The following PPARGC1B variants were observed in gnomAD, a reference collection of about 807,000 sequenced individuals.
The protein encoded by PPARGC1B is peroxisome proliferator-activated receptor gamma coactivator 1-beta.
Under a neutral mutation model 101.6 loss-of-function variants are expected in PPARGC1B, and 34 were observed. That is an observed-to-expected ratio of 0.33 (90% CI 0.25 to 0.45). The LOEUF (loss-of-function observed/expected upper bound fraction) is 0.45, where lower values mean the gene tolerates loss of function less well. Among genes scored for constraint, PPARGC1B ranks in the 20% least tolerant of loss-of-function variants. The pLI, the probability that PPARGC1B is intolerant of heterozygous loss-of-function variation, is 1.00. For missense variants in PPARGC1B, 1,234 were observed against 1,317.6 expected (o/e 0.94, Z 0.98); for synonymous variants, 548 against 539.3 (o/e 1.02, Z -0.22).
intron 11 of PPARGC1B, 65 bp from the exon 12 acceptor site, chr5:149,847,393 C>T: frequency 1.6e-6 from 2 of 1,212,690 alleles, no homozygotes; most frequent in Admixed American, 1.7e-5. Context: ...ATTCTTCAAC[C>T]ATCCGGTCTT....
At position 149,845,788 on chromosome 5, in the gene PPARGC1B, C is replaced by T. The variant is rs755116794; in HGVS notation, c.2845C>T (p.Arg949Trp). The change falls in exon 11 of 12, where the codon CGG becomes TGG. Residue 949 changes from arginine (R) to tryptophan (W), a missense_variant. By Grantham distance (101) the Arg-to-Trp change is moderately radical. Around this residue, in one of 3 missense-constraint regions of PPARGC1B, gnomAD observed 497 missense variants for 529.5 expected, o/e 0.94. Coordinates refer to ENST00000309241, the MANE Select transcript of PPARGC1B (RefSeq NM_133263.4). ...RGEKYGFITYRCSEHAALSLT... is the reference protein window; with the variant it reads ...RGEKYGFITYWCSEHAALSLT... ...CGAGAAGTACGGCTTCATCACCTAC[C>T]GGTGTTCTGAGCACGCGGCCCTCTC... 18 of 1,613,468 alleles carry T rather than the reference C, an allele frequency of 1.1e-5. No homozygotes were observed. Among genetic ancestry groups the T allele is most frequent in the South Asian group, 6.6e-5 (6 of 91,052 alleles).
intron 1 of PPARGC1B, among the ~76,000 whole-genome samples, chr5:149,765,812 G>A (rs1755887886): frequency 7.1e-6 from 1 of 140,254 alleles, no homozygotes; most frequent in South Asian, 2.2e-4. Flanking sequence ...AGTGAGCTGA[G>A]ATCGCGCCAT....
intron 3 of PPARGC1B, among the ~76,000 whole-genome samples, chr5:149,830,053 A>C (rs868093587): frequency 9.3e-6 from 1 of 107,546 alleles, no homozygotes; most frequent in East Asian, 2.2e-4. Flanking sequence ...AAAAAAAAAA[A>C]AGAAAAAAAA....
intron 1 of PPARGC1B, among the ~76,000 whole-genome samples, chr5:149,731,465 C>A (rs553657742): frequency 1.3e-5 from 2 of 152,284 alleles, no homozygotes; most frequent in South Asian, 4.1e-4. Flanking sequence ...GGCGGAACCT[C>A]GGAGGAGCCC....
At chr5:149,731,055 C>T (rs1442890248) in intron 1 of PPARGC1B, among the ~76,000 whole-genome samples, 1 of 152,220 alleles carries the variant, frequency 6.6e-6, no homozygotes, top group Admixed American at 6.5e-5. Context: ...GGGGGAAAAG[C>T]CAGGCTGGAT....
At chr5:149,742,154 C>G (rs1754932684) in intron 1 of PPARGC1B, among the ~76,000 whole-genome samples, 1 of 152,208 alleles carries the variant, frequency 6.6e-6, no homozygotes, top group Admixed American at 6.5e-5. Context: ...AGTCCCACTG[C>G]TATCCCCATT....
intron 10 of PPARGC1B, among the ~76,000 whole-genome samples, chr5:149,843,029 G>A (rs906720013): frequency 1.3e-5 from 2 of 152,216 alleles, no homozygotes; most frequent in African/African-American, 2.4e-5. Context: ...TTTGCTGGGT[G>A]TGGTGGTGCA....
In PPARGC1B at chr5:149,852,923, C is replaced by G. The variant is rs1411385753; in HGVS notation, c.*5365C>G. On this transcript the variant is annotated 3_prime_UTR_variant, in exon 12 of 12. Transcript: ENST00000309241. ...TCAGATACTCTGTTTCATCAGTATG[C>G]TTTGCACATCCGGAAGGAGTACAAA... 6.6e-6 allele frequency: 1 copy of G among 152,150 alleles called. No individual in the cohort carries two copies. The allele number at this position is 152,150 out of a possible 1,614,324, so 9.4% of individuals were successfully genotyped here. A position where few individuals can be genotyped will look rare whatever the true frequency, so the allele number is the denominator to read the frequency against.
At position 149,833,498 on chromosome 5, in the gene PPARGC1B, C is replaced by G. The variant is rs145538606; in HGVS notation, c.1425C>G (p.Pro475=). The G allele has an allele frequency of 4.5e-6, 7 of 1,564,818 alleles. No homozygotes were observed. Among genetic ancestry groups the G allele is most frequent in the Non-Finnish European group, 6.1e-6 (7 of 1,154,572 alleles). The change falls in exon 5 of 12, where the codon CCC becomes CCG. Residue 475 remains proline, a synonymous_variant. Coordinates refer to ENST00000309241, the MANE Select transcript of PPARGC1B (RefSeq NM_133263.4). This position sits in a 1 kb window ranked among gnomAD's most constrained non-coding sequence, Gnocchi z 4.1. ...LGRKLESSVC[P]VRRSRRLNPE... The stretch of plus-strand genomic sequence containing the variant: ...GGAAGCTGGAGAGCTCTGTGTGCCC[C>G]GTGCGGCGTTCTCGGAGACTGAACC...
chr5:149,831,751 C>CT (rs1758791689), intron 4 of PPARGC1B, among the ~76,000 whole-genome samples: 1 of 152,224 alleles, frequency 6.6e-6, no homozygotes. Context: ...ATGAGTCACA[C>CT]TTGGGGGGAA....
chr5:149,821,887 A>G (rs749522519), intron 2 of PPARGC1B, among the ~76,000 whole-genome samples: 9 of 152,140 alleles, frequency 5.9e-5, no homozygotes, highest in Non-Finnish European at 1.2e-4. Context: ...ACTCCTAATA[A>G]TCGATTTTAC....
At position 149,826,707 on chromosome 5, in the gene PPARGC1B, T is replaced by C. The variant is rs1039704977; in HGVS notation, c.287T>C (p.Leu96Pro). 6.2e-7 allele frequency: 1 copy of C among 1,613,430 alleles called. No homozygotes were observed. Among genetic ancestry groups the C allele is most frequent in the Non-Finnish European group, 8.5e-7 (1 of 1,179,822 alleles). ...DSENEALLAE[L>P]TKTLDDIPED... ...GAGAATGAGGCCCTCCTGGCAGAGCTCACCAAGACCCTGGATGACATCCCT... is the reference window on the plus strand; with the variant it reads ...GAGAATGAGGCCCTCCTGGCAGAGCCCACCAAGACCCTGGATGACATCCCT... The change falls in exon 3 of 12, where the codon CTC (leucine) becomes CCC (proline). Residue 96 changes from leucine (L) to proline (P), a missense_variant. Physicochemically the swap from Leu to Pro is moderately conservative, Grantham distance 98. Transcript: ENST00000309241.
At position 149,836,828 on chromosome 5, in the gene PPARGC1B, C is replaced by A. The variant is rs965848169; in HGVS notation, c.2373C>A (p.Val791=). The change falls in exon 8 of 12, where the codon GTC becomes GTA. Residue 791 remains valine, a synonymous_variant. Coordinates refer to ENST00000309241, the MANE Select transcript of PPARGC1B (RefSeq NM_133263.4). The part of the protein sequence containing the change: ...ASCKSPEYDT[V]FEDSSSSSGE... The stretch of plus-strand genomic sequence containing the variant: ...GCAAGAGCCCTGAGTATGACACTGT[C>A]TTTGAAGACAGCAGCAGCAGCAGCG... 6.2e-7 allele frequency: 1 copy of A among 1,613,356 alleles called. No homozygotes were observed. Among genetic ancestry groups the A allele is most frequent in the African/African-American group, 1.3e-5 (1 of 74,942 alleles).
At chr5:149,835,228 C>A in intron 6 of PPARGC1B, 73 bp from the exon 7 acceptor site, 1 of 1,404,652 alleles carries the variant, frequency 7.1e-7, no homozygotes, top group Non-Finnish European at 1.0e-6. Context: ...CCCTGCGACC[C>A]TTTCATGGGC....
At chr5:149,815,569 T>A (rs1398853314) in intron 1 of PPARGC1B, among the ~76,000 whole-genome samples, 1 of 152,162 alleles carries the variant, frequency 6.6e-6, no homozygotes, top group Non-Finnish European at 1.5e-5. Context: ...ACTTACAATT[T>A]ATTTATTTAT....
At chr5:149,856,950 T>C (rs1046897580), downstream of PPARGC1B, among the ~76,000 whole-genome samples, 5 of 152,104 alleles carry the variant, frequency 3.3e-5, no homozygotes, top group African/African-American at 1.2e-4. Flanking sequence ...TTTGTATTTT[T>C]AGTAGAGACA....
At chr5:149,734,247 G>C (rs140484730) in intron 1 of PPARGC1B, among the ~76,000 whole-genome samples, 1 of 150,382 alleles carries the variant, frequency 6.6e-6, no homozygotes, top group African/African-American at 2.4e-5. Context: ...GCTTGAACCC[G>C]GGAGGCGGAG....
chr5:149,798,659 T>C lies in PPARGC1B; in HGVS notation c.79-21774T>C, dbSNP rs953631599. On this transcript the variant is annotated intron_variant, in intron 1 of 11. Transcript: ENST00000309241. ...GCCAATGGAGTTCTAGTTCACGTTCTTCCCCTGTTGCAACCTTGGTATGGC... is the reference window on the plus strand; with the variant it reads ...GCCAATGGAGTTCTAGTTCACGTTCCTCCCCTGTTGCAACCTTGGTATGGC... Among the ~76,000 whole-genome samples the C allele has an allele frequency of 3.9e-5, 6 of 152,326 alleles. No homozygotes were observed. In the East Asian group the frequency reaches 1.2e-3, roughly 29 times the overall value.
At chr5:149,787,014 G>A (rs1195315472) in intron 1 of PPARGC1B, among the ~76,000 whole-genome samples, 1 of 152,122 alleles carries the variant, frequency 6.6e-6, no homozygotes, top group Non-Finnish European at 1.5e-5. Context: ...GAAAATGTGG[G>A]GTTCAGGTTT....
Sources: gnomAD v4.1 joint callset for allele counts (sites outside exome capture counted in the v4.1 genomes callset) on GRCh38, gnomAD v4.1.1 for gene constraint, gnomAD v4.1.1 regional missense constraint, Gnocchi (gnomAD v3.1) non-coding constraint, MANE v1.5 for transcripts, NCBI Gene and HGNC (gene_info 2026-07-23, HGNC 2026-07-21) for gene names.